Variants in STIMATE observed in about 807,000 individuals in gnomAD.
STIMATE encodes the protein store-operated calcium entry regulator STIMATE.
Under a neutral mutation model 36.7 loss-of-function variants are expected in STIMATE, and 15 were observed. The observed-to-expected ratio is 0.41, with a 90% CI of 0.27 to 0.63. The LOEUF is 0.63. Among genes scored for constraint, STIMATE ranks in the 20% least tolerant of loss-of-function variants. STIMATE has a pLI of 0.32. For missense variants in STIMATE, 305 were observed against 397.3 expected (o/e 0.77, Z 1.98); for synonymous variants, 163 against 162.3 (o/e 1.00, Z -0.03).
In STIMATE at chr3:52,866,196, A is replaced by C. The variant is rs181804754; in HGVS notation, c.161-10752T>G. Among the ~76,000 whole-genome samples the C allele has an allele frequency of 1.1e-4, 17 of 152,360 alleles. No homozygotes were observed. In the East Asian group the frequency reaches 2.7e-3, roughly 24 times the overall value. The stretch of plus-strand genomic sequence containing the variant: ...CTCTCCACAGAGGCTGTGCCAACTC[A>C]CACTCCCACTAATAGCACGAGTACC... On this transcript the variant is annotated intron_variant, in intron 1 of 7. Transcript: ENST00000355083.
chr3:52,853,906 G>GTGCT (rs1337189659), intron 2 of STIMATE, among the ~76,000 whole-genome samples: 1 of 152,202 alleles, frequency 6.6e-6, no homozygotes, highest in Non-Finnish European at 1.5e-5. Flanking sequence ...TGTGGACACA[G>GTGCT]TGCTGTCTTG....
Position 52,836,781 on chromosome 3 carries a change from C to T in STIMATE, c.*3713G>A, listed in dbSNP as rs1700708465. The T allele has an allele frequency of 3.0e-6, 1 of 335,068 alleles. No homozygotes were observed. Among genetic ancestry groups the T allele is most frequent in the South Asian group, 2.4e-5 (1 of 41,896 alleles). The allele number at this position is 335,068 out of a possible 1,614,324, so 20.8% of individuals were successfully genotyped here. A position where few individuals can be genotyped will look rare whatever the true frequency, so the allele number is the denominator to read the frequency against. On this transcript the variant is annotated 3_prime_UTR_variant, in exon 8 of 8. Coordinates refer to ENST00000355083, the MANE Select transcript of STIMATE (RefSeq NM_198563.5). ...TAAGATGCCAAACTTTATTGTAAAC[C>T]ATTTTACAATGTAAGTACATCATCT...
At chr3:52,842,741 A>G in intron 7 of STIMATE, 70 bp downstream of exon 7, 1 of 1,603,444 alleles carries the variant, frequency 6.2e-7, no homozygotes, top group South Asian at 1.1e-5. Context: ...ATACACAGAC[A>G]TGAGACCAGA....
At position 52,840,476 on chromosome 3, in the gene STIMATE, C is replaced by G. The variant is rs1214960938; in HGVS notation, c.*18G>C. ...GCGGCTGGCGGGGCCCTCCCGTCAC[C>G]CCCAGCATGGGAATGTGTCATACGG... On this transcript the variant is annotated 3_prime_UTR_variant, in exon 8 of 8. Coordinates refer to ENST00000355083, the MANE Select transcript of STIMATE (RefSeq NM_198563.5). 13 of 1,612,958 alleles carry G rather than the reference C, an allele frequency of 8.1e-6. No individual in the cohort carries two copies. Among genetic ancestry groups the G allele is most frequent in the African/African-American group, 1.3e-5 (1 of 74,912 alleles).
chr3:52,850,043 C>A, intron 3 of STIMATE, 130 bp from the exon 4 acceptor site: 1 of 1,413,092 alleles, frequency 7.1e-7, no homozygotes, highest in East Asian at 2.6e-5. Context: ...GGCTGGGAGC[C>A]CTCATGTGCC....
chr3:52,885,180 CA>C, intron 1 of STIMATE, among the ~76,000 whole-genome samples: 1 of 152,280 alleles, frequency 6.6e-6, no homozygotes, highest in East Asian at 1.9e-4. Context: ...TGATATTGAG[CA>C]TCTTTTCATG....
rs1454980873 is a variant in STIMATE at position 52,839,402 on chromosome 3, T to C, written c.*1092A>G. ...GGGGGCTGGGAGGCCAAGACCACTT[T>C]AAACCGTGATTGGAGGCTCTGCAGA... On this transcript the variant is annotated 3_prime_UTR_variant, in exon 8 of 8. Coordinates refer to ENST00000355083, the MANE Select transcript of STIMATE (RefSeq NM_198563.5). 1 of 152,262 alleles carries C rather than the reference T, an allele frequency of 6.6e-6. No individual in the cohort carries two copies. Among genetic ancestry groups the C allele is most frequent in the Non-Finnish European group, 1.5e-5 (1 of 68,074 alleles). The allele number at this position is 152,262 out of a possible 1,614,324, so 9.4% of individuals were successfully genotyped here.
At chr3:52,847,451 C>T (rs1183915566) in intron 4 of STIMATE, 1 of 1,288,878 alleles carries the variant, frequency 7.8e-7, no homozygotes, top group African/African-American at 1.5e-5. Context: ...AATCAGAGTG[C>T]AGACACCATG....
At position 52,839,284 on chromosome 3, in the gene STIMATE, A is replaced by C. The variant is rs756989891; in HGVS notation, c.*1210T>G. 6.6e-6 allele frequency: 1 copy of C among 152,276 alleles called. No individual in the cohort carries two copies. Among genetic ancestry groups the C allele is most frequent in the East Asian group, 1.9e-4 (1 of 5,196 alleles). The allele number at this position is 152,276 out of a possible 1,614,324, so 9.4% of individuals were successfully genotyped here. A position where few individuals can be genotyped will look rare whatever the true frequency, so the allele number is the denominator to read the frequency against. On this transcript the variant is annotated 3_prime_UTR_variant, in exon 8 of 8. Transcript: ENST00000355083. ...TGTTCTCCAGAATGCTGTGCAAAAC[A>C]AATAGGTGACACTAGGATGACAGGT...
At position 52,843,797 on chromosome 3, in the gene STIMATE, A is replaced by G. The variant is rs969101813; in HGVS notation, c.542T>C (p.Val181Ala). ...GTTTTCAATGGGATTCAACAGGGCC[A>G]CCTGTAAAGAGAAGCAGACTCAGTG... Reference protein sequence around the residue: ...IVLLILQWKKVALLNPIENPD... With the variant: ...IVLLILQWKKAALLNPIENPD... The change falls in exon 6 of 8, where the codon GTG (valine) becomes GCG (alanine). Residue 181 changes from valine to alanine, a missense_variant and splice_region_variant. Physicochemically the swap from Val to Ala is moderately conservative, Grantham distance 64. This residue lies in a region of STIMATE where 164 missense variants were observed against 257.9 expected (regional missense o/e 0.64). Transcript: ENST00000355083. The G allele has an allele frequency of 1.2e-6, 2 of 1,607,758 alleles. No homozygotes were observed. The highest frequency in any genetic ancestry group is 1.7e-6 in the Non-Finnish European group (2 of 1,176,694).
At chr3:52,884,156 T>C (rs894461692) in intron 1 of STIMATE, among the ~76,000 whole-genome samples, 1 of 152,206 alleles carries the variant, frequency 6.6e-6, no homozygotes, top group Non-Finnish European at 1.5e-5. Context: ...TGCACTTATA[T>C]TATGCATACA....
chr3:52,843,261 A>T, intron 6 of STIMATE: 1 of 440,140 alleles, frequency 2.3e-6, no homozygotes, highest in Non-Finnish European at 4.1e-6. Flanking sequence ...CACGCGTTCC[A>T]GGCCCCTCCC....
In STIMATE at chr3:52,897,499, G is replaced by C; in HGVS notation, c.-49C>G. 2 of 1,199,828 alleles carry C rather than the reference G, an allele frequency of 1.7e-6. No individual in the cohort carries two copies. 74.3% of individuals were successfully genotyped at this position (1,199,828 alleles called of 1,614,324 possible). On this transcript the variant is annotated 5_prime_UTR_variant, in exon 1 of 8. Transcript: ENST00000355083. ...GAGGGCCCAGGGCCCGCCCGGCCTC[G>C]CTGCCTGCCGGCGCAGCGCCGCCAA...
chr3:52,844,613 C>T (rs754322026), intron 5 of STIMATE, among the ~76,000 whole-genome samples: 1 of 152,264 alleles, frequency 6.6e-6, no homozygotes, highest in African/African-American at 2.4e-5. Context: ...TAGTTTTATA[C>T]ATCCCAAGGC....
intron 1 of STIMATE, among the ~76,000 whole-genome samples, chr3:52,894,070 C>T (rs1575354061): frequency 6.6e-6 from 1 of 151,904 alleles, no homozygotes; most frequent in African/African-American, 2.4e-5. Flanking sequence ...TAGACAAAAC[C>T]ACCAAAACGA....
At chr3:52,863,542 A>T (rs1193496100) in intron 1 of STIMATE, among the ~76,000 whole-genome samples, 7 of 152,178 alleles carry the variant, frequency 4.6e-5, no homozygotes, top group African/African-American at 1.7e-4. Flanking sequence ...TCATTCTGCC[A>T]CTGGCCCTTC....
chr3:52,854,470 T>C (rs1559491650), intron 2 of STIMATE, among the ~76,000 whole-genome samples: 3 of 152,244 alleles, frequency 2.0e-5, no homozygotes, highest in African/African-American at 7.2e-5. Context: ...TTTGGAGCGC[T>C]TCCGGGCTGG....
intron 1 of STIMATE, among the ~76,000 whole-genome samples, chr3:52,862,314 C>G (rs1253082585): frequency 1.3e-5 from 2 of 152,190 alleles, no homozygotes; most frequent in Non-Finnish European, 2.9e-5. Flanking sequence ...GATGAGACTG[C>G]CTCCTAACAG....
chr3:52,895,776 A>G, intron 1 of STIMATE: 2 of 745,268 alleles, frequency 2.7e-6, no homozygotes, highest in Non-Finnish European at 3.8e-6. Flanking sequence ...AAGAAACCTC[A>G]GGTTAGGGAG....
Sources: allele counts gnomAD v4.1 joint callset (sites outside exome capture counted in the v4.1 genomes callset), GRCh38; gene constraint gnomAD v4.1.1; regional missense constraint gnomAD v4.1.1; transcripts MANE v1.5; gene names NCBI Gene and HGNC (gene_info 2026-07-23, HGNC 2026-07-21).